FHL2: variants seen among roughly 807,000 people sequenced by gnomAD.
The protein encoded by FHL2 is four and a half LIM domains protein 2.
Under a neutral mutation model 32.7 loss-of-function variants are expected in FHL2, and 20 were observed. The ratio of observed to expected loss-of-function variants is 0.61; its 90% CI spans 0.43 to 0.89. The LOEUF is 0.89. FHL2 is among the 40% of genes least tolerant of loss of function. FHL2 has a pLI of 0.00. For missense variants in FHL2, 311 were observed against 358.6 expected (o/e 0.87, Z 1.07); for synonymous variants, 123 against 128.1 (o/e 0.96, Z 0.27).
chr2:105,414,995 G>A (rs1683894072), intron 1 of FHL2, among the ~76,000 whole-genome samples: 1 of 152,168 alleles, frequency 6.6e-6, no homozygotes, highest in Admixed American at 6.5e-5. Context: ...TCTAAGTAAT[G>A]TTGGCTTACA....
chr2:105,431,512 G>A (rs960397213), intron 1 of FHL2, among the ~76,000 whole-genome samples: 9 of 152,230 alleles, frequency 5.9e-5, no homozygotes, highest in Non-Finnish European at 1.0e-4. Flanking sequence ...GCCAGCAGGT[G>A]CAAATGCCCT....
chr2:105,419,269 C>A (rs1340751345), intron 1 of FHL2, among the ~76,000 whole-genome samples: 1 of 152,150 alleles, frequency 6.6e-6, no homozygotes, highest in South Asian at 2.1e-4. Context: ...TAAGTAAGTT[C>A]TTTAGTGGTG....
At chr2:105,406,304 T>C (rs1393737591) in intron 1 of FHL2, among the ~76,000 whole-genome samples, 1 of 152,192 alleles carries the variant, frequency 6.6e-6, no homozygotes, top group African/African-American at 2.4e-5. Flanking sequence ...TGGAATCGTG[T>C]GTACAGTCAG....
At chr2:105,413,183 G>C (rs151180034) in intron 1 of FHL2, among the ~76,000 whole-genome samples, 4 of 152,036 alleles carry the variant, frequency 2.6e-5, no homozygotes, top group African/African-American at 9.7e-5. Context: ...TCTTCATAGC[G>C]TCTCCTTCTC....
Position 105,373,428 on chromosome 2 carries a change from G to A in FHL2, c.331+131C>T, listed in dbSNP as rs867423194. The A allele has an allele frequency of 2.6e-5, 23 of 882,538 alleles. No homozygotes were observed. The Middle Eastern group carries it at 1.2e-3, about 46-fold the overall frequency. The allele number at this position is 882,538 out of a possible 1,614,324, so 54.7% of individuals were successfully genotyped here. ...TCGTAAGTACTCTAAATACTCCTCT[G>A]CAGTTCAAGGTCAAACTGGAAAGTC... On this transcript the variant is annotated intron_variant, in intron 4 of 6. Transcript: ENST00000530340.
chr2:105,406,575 C>T (rs1558723469), intron 1 of FHL2, among the ~76,000 whole-genome samples: 1 of 151,958 alleles, frequency 6.6e-6, no homozygotes, highest in African/African-American at 2.4e-5. Flanking sequence ...AGTTCTCTGT[C>T]TCACGCTCTT....
chr2:105,360,916 C>A lies in FHL2; in HGVS notation c.*367G>T, dbSNP rs1680204067. The A allele has an allele frequency of 5.9e-6, 1 of 168,814 alleles. No homozygotes were observed. Among genetic ancestry groups the A allele is most frequent in the South Asian group, 1.8e-4 (1 of 5,614 alleles). 10.5% of individuals were successfully genotyped at this position (168,814 alleles called of 1,614,324 possible). A position where few individuals can be genotyped will look rare whatever the true frequency, so the allele number is the denominator to read the frequency against. ...TACAGAGCTGTAAATAACAACTGGT[C>A]ATTACCTTATTGAGTTTAGAAAACT... On this transcript the variant is annotated 3_prime_UTR_variant, in exon 7 of 7. Transcript: ENST00000530340.
chr2:105,421,269 T>A (rs1280812523), intron 1 of FHL2, among the ~76,000 whole-genome samples: 1 of 152,220 alleles, frequency 6.6e-6, no homozygotes, highest in Non-Finnish European at 1.5e-5. Context: ...TTTGATTTGG[T>A]GTCAGTGATC....
At chr2:105,361,650 G>C (rs932338982) in intron 6 of FHL2, among the ~76,000 whole-genome samples, 2 of 152,168 alleles carry the variant, frequency 1.3e-5, no homozygotes, top group Non-Finnish European at 2.9e-5. Flanking sequence ...ATATAAACTG[G>C]TTCCAAAACG....
chr2:105,384,782 A>G (rs1398118427), intron 3 of FHL2, among the ~76,000 whole-genome samples: 4 of 152,176 alleles, frequency 2.6e-5, no homozygotes, highest in Non-Finnish European at 5.9e-5. Context: ...TGCTGGGATT[A>G]TAGGCTTTGA....
intron 2 of FHL2, among the ~76,000 whole-genome samples, chr2:105,390,483 G>A (rs954645506): frequency 6.6e-6 from 1 of 152,202 alleles, no homozygotes; most frequent in Non-Finnish European, 1.5e-5. Flanking sequence ...CTTTCTGAGA[G>A]TGGTGGATCC....
chr2:105,409,714 G>A (rs1683737848), intron 1 of FHL2, among the ~76,000 whole-genome samples: 2 of 152,290 alleles, frequency 1.3e-5, no homozygotes, highest in African/African-American at 4.8e-5. Flanking sequence ...GCGAAGGGGT[G>A]ATATAAAATC....
At chr2:105,438,506 A>T (rs544248981), upstream of FHL2, 1 of 985,558 alleles carries the variant, frequency 1.0e-6, no homozygotes, top group Non-Finnish European at 1.2e-6. Flanking sequence ...TGCAGCTGCC[A>T]GCCAGCTGCG....
At chr2:105,405,667 C>G (rs888532501) in intron 1 of FHL2, among the ~76,000 whole-genome samples, 1 of 152,254 alleles carries the variant, frequency 6.6e-6, no homozygotes, top group Admixed American at 6.5e-5. Flanking sequence ...CCCAAGTTCT[C>G]TCTTCACTGC....
intron 1 of FHL2, among the ~76,000 whole-genome samples, chr2:105,418,899 G>A (rs1180685115): frequency 2.0e-5 from 3 of 152,106 alleles, no homozygotes; most frequent in Non-Finnish European, 4.4e-5. Flanking sequence ...TAGTTTATAA[G>A]TTAAAATTTA....
At chr2:105,436,684 T>C (rs762846672) in intron 1 of FHL2, among the ~76,000 whole-genome samples, 7 of 152,186 alleles carry the variant, frequency 4.6e-5, no homozygotes, top group Non-Finnish European at 8.8e-5. Context: ...AAGTTAATGG[T>C]TAATCTTTCA....
intron 2 of FHL2, among the ~76,000 whole-genome samples, chr2:105,388,560 C>T (rs1433425622): frequency 2.0e-5 from 3 of 151,886 alleles, no homozygotes; most frequent in Admixed American, 6.6e-5. Flanking sequence ...CAGTCACTCA[C>T]GCCTGTAATC....
intron 1 of FHL2, among the ~76,000 whole-genome samples, chr2:105,433,171 TTC>T (rs1684487066): frequency 1.4e-5 from 1 of 73,444 alleles, no homozygotes; most frequent in African/African-American, 8.5e-5. Context: ...GTCCTCATTC[TTC>T]TTCTTCTTCT....
chr2:105,378,298 C>G, intron 3 of FHL2: 1 of 418,314 alleles, frequency 2.4e-6, no homozygotes, highest in South Asian at 1.8e-5. Context: ...CCACATGTTA[C>G]TGGACTAAGC....
Sources: gnomAD v4.1 joint callset for allele counts (sites outside exome capture counted in the v4.1 genomes callset) on GRCh38, gnomAD v4.1.1 for gene constraint, MANE v1.5 for transcripts, NCBI Gene and HGNC (gene_info 2026-07-23, HGNC 2026-07-21) for gene names.